The following PSD3 variants were observed in gnomAD, a reference collection of about 807,000 sequenced individuals.
PSD3 encodes the protein pleckstrin and Sec7 domain containing 3, also known as PH and SEC7 domain-containing protein 3.
In PSD3, 49 loss-of-function variants were observed where a neutral mutation model predicts 105.5. The ratio of observed to expected loss-of-function variants is 0.46; its 90% CI spans 0.37 to 0.59. The LOEUF (loss-of-function observed/expected upper bound fraction) is 0.59, where lower values mean the gene tolerates loss of function less well. Ranked by LOEUF, PSD3 falls within the 20% of genes least tolerant of loss-of-function variation. The pLI is 0.00. For synonymous variants in PSD3, 557 were observed against 457.8 expected (o/e 1.22, Z -2.77); for missense variants, 1,561 against 1,263.8 (o/e 1.24, Z -3.57).
intron 1 of PSD3, among the ~76,000 whole-genome samples, chr8:19,043,591 C>G (rs1330929412): frequency 6.6e-6 from 1 of 152,162 alleles, no homozygotes; most frequent in Non-Finnish European, 1.5e-5. Context: ...CCATCCAAAA[C>G]TTATGCTGAA....
rs920982414 is a variant in PSD3, at chr8:18,626,771, C to T, written c.2410+5842G>A. On this transcript the variant is annotated intron_variant, in intron 11 of 15. Transcript: ENST00000327040. ...AGCCAAATAGTTAGATAAACCTGTT[C>T]AACCAGACATGATTGAAAATCCAAC... is the stretch of plus-strand genomic sequence containing the variant. Among the ~76,000 whole-genome samples the T allele has an allele frequency of 3.9e-5, 6 of 152,224 alleles. No individual in the cohort carries two copies. In the East Asian group the frequency reaches 1.2e-3, roughly 29 times the overall value.
chr8:18,787,998 A>G (rs1809344655), intron 8 of PSD3, among the ~76,000 whole-genome samples: 1 of 152,210 alleles, frequency 6.6e-6, no homozygotes, highest in South Asian at 2.1e-4. Flanking sequence ...CAGTTATTCA[A>G]CACTATAATT....
At chr8:18,661,974 A>T (rs1809381256) in intron 9 of PSD3, among the ~76,000 whole-genome samples, 1 of 151,870 alleles carries the variant, frequency 6.6e-6, no homozygotes, top group African/African-American at 2.4e-5. Flanking sequence ...TATTTAGGGT[A>T]ATAGAACATG....
At chr8:18,835,761 C>T (rs1346223137) in intron 4 of PSD3, among the ~76,000 whole-genome samples, 2 of 152,242 alleles carry the variant, frequency 1.3e-5, no homozygotes, top group African/African-American at 2.4e-5. Context: ...GGCAAAGGCC[C>T]CGAGGTGGAA....
intron 9 of PSD3, among the ~76,000 whole-genome samples, chr8:18,718,875 TGGGGA>T (rs1802768521): frequency 6.6e-6 from 1 of 151,922 alleles, no homozygotes; most frequent in Non-Finnish European, 1.5e-5. Flanking sequence ...AAGGAGGCAA[TGGGGA>T]GAGCAGAGTT....
intron 11 of PSD3, among the ~76,000 whole-genome samples, chr8:18,627,483 G>A (rs985420628): frequency 3.9e-5 from 6 of 152,042 alleles, no homozygotes; most frequent in Admixed American, 2.6e-4. Flanking sequence ...GGCTCACACA[G>A]GGCTAAGAAG....
rs530919819 is a variant in PSD3 at position 18,758,239 on chromosome 8, A to G, written c.2172+7210T>C. ...AGGAAGTAAAGATGAGAGAGGAGAGAGCAACAATGAGAGTGGGAAGATCAA... is the reference window on the plus strand; with the variant it reads ...AGGAAGTAAAGATGAGAGAGGAGAGGGCAACAATGAGAGTGGGAAGATCAA... On this transcript the variant is annotated intron_variant, in intron 9 of 15. Coordinates refer to ENST00000327040, the MANE Select transcript of PSD3 (RefSeq NM_015310.4). Among the ~76,000 whole-genome samples the G allele has an allele frequency of 1.4e-3, 206 of 152,208 alleles. 2 individuals are homozygous for G. The highest frequency in any genetic ancestry group is 3.4e-3 in the Middle Eastern group (1 of 294).
chr8:18,742,087 T>A (rs1339099400), intron 9 of PSD3, among the ~76,000 whole-genome samples: 5 of 152,260 alleles, frequency 3.3e-5, no homozygotes, highest in African/African-American at 1.2e-4. Flanking sequence ...GATTCAAATT[T>A]AAAAGGACTA....
chr8:18,636,497 G>A (rs192121829), intron 10 of PSD3, among the ~76,000 whole-genome samples: 1 of 152,242 alleles, frequency 6.6e-6, no homozygotes, highest in East Asian at 1.9e-4. Flanking sequence ...GAAATTTCCT[G>A]TAGCCTAAGT....
intron 1 of PSD3, among the ~76,000 whole-genome samples, chr8:19,018,720 T>C (rs141760150): frequency 6.6e-6 from 1 of 152,262 alleles, no homozygotes; most frequent in East Asian, 1.9e-4. Context: ...CCAGAGAAAA[T>C]ACTTTTTCTT....
chr8:18,962,183 T>C (rs916147311), intron 1 of PSD3, among the ~76,000 whole-genome samples: 2 of 151,810 alleles, frequency 1.3e-5, no homozygotes, highest in Non-Finnish European at 2.9e-5. Flanking sequence ...GAGGCGGAGG[T>C]TGCAGTGAGC....
intron 4 of PSD3, among the ~76,000 whole-genome samples, chr8:18,838,046 A>G (rs6586772): frequency 0.68 from 103,480 of 152,102 alleles, 35,508 homozygotes; most frequent in African/African-American, 0.76. Context: ...CTACTAAAGA[A>G]CATAATTATG....
Position 18,699,907 on chromosome 8 carries a change from C to G in PSD3, c.2173-44222G>C, listed in dbSNP as rs1040746333. ...AAAAATCAAGCTGCAGATTCCGCTC[C>G]TATATTTTCCTTTCTTTACTAAGCC... On this transcript the variant is annotated intron_variant, in intron 9 of 15. Transcript: ENST00000327040. Among the ~76,000 whole-genome samples, 6 of 151,928 alleles carry G rather than the reference C, an allele frequency of 3.9e-5. No homozygotes were observed. In the East Asian group the frequency reaches 9.6e-4, roughly 24 times the overall value.
At chr8:18,596,188 A>G (rs908778593) in intron 12 of PSD3, among the ~76,000 whole-genome samples, 1 of 152,040 alleles carries the variant, frequency 6.6e-6, no homozygotes, top group African/African-American at 2.4e-5. Flanking sequence ...AGGAAATTGG[A>G]CAATAATTTG....
intron 1 of PSD3, among the ~76,000 whole-genome samples, chr8:19,054,549 C>A (rs937525246): frequency 6.6e-6 from 1 of 152,144 alleles, no homozygotes; most frequent in Non-Finnish European, 1.5e-5. Flanking sequence ...CTTATTTTTA[C>A]CATCTCCATT....
At chr8:18,774,870 G>A in intron 8 of PSD3, 1 of 456,184 alleles carries the variant, frequency 2.2e-6, no homozygotes. Flanking sequence ...TGTCTTAGCA[G>A]CTCCTCTTCC....
At chr8:18,586,609 C>G (rs1803205842) in intron 12 of PSD3, among the ~76,000 whole-genome samples, 1 of 151,970 alleles carries the variant, frequency 6.6e-6, no homozygotes, top group Non-Finnish European at 1.5e-5. Flanking sequence ...GGAAGGTGGT[C>G]TTCAAAGCCA....
At chr8:18,606,097 C>T (rs1804806281) in intron 11 of PSD3, among the ~76,000 whole-genome samples, 3 of 152,216 alleles carry the variant, frequency 2.0e-5, no homozygotes, top group Admixed American at 2.0e-4. Context: ...TTAATTTACA[C>T]AGACTGCTGT....
chr8:19,047,717 T>A (rs1828375125), intron 1 of PSD3, among the ~76,000 whole-genome samples: 1 of 152,122 alleles, frequency 6.6e-6, no homozygotes. Flanking sequence ...ATGTGTTGAA[T>A]GATGTCAATG....
Sources: gnomAD v4.1 joint callset for allele counts (sites outside exome capture counted in the v4.1 genomes callset) on GRCh38, gnomAD v4.1.1 for gene constraint, MANE v1.5 for transcripts, NCBI Gene and HGNC (gene_info 2026-07-23, HGNC 2026-07-21) for gene names.